MYO9B: variants seen among roughly 807,000 people sequenced by gnomAD.
MYO9B encodes the protein unconventional myosin-IXb.
In MYO9B, 71 loss-of-function variants were observed where a neutral mutation model predicts 229.5. The observed-to-expected ratio is 0.31, with a 90% CI of 0.26 to 0.38. The LOEUF (loss-of-function observed/expected upper bound fraction) is 0.38. Among genes scored for constraint, MYO9B ranks in the 10% least tolerant of loss-of-function variants. The pLI is 1.00. For synonymous variants in MYO9B, 1,185 were observed against 1,235.8 expected, an observed-to-expected ratio of 0.96 and a Z score of 0.86; for missense variants, 2,255 against 2,920.5, an observed-to-expected ratio of 0.77 and a Z score of 5.25.
intron 14 of MYO9B, among the ~76,000 whole-genome samples, chr19:17,179,243 C>G (rs1000710328): frequency 1.3e-5 from 2 of 151,932 alleles, no homozygotes; most frequent in African/African-American, 4.8e-5. Context: ...ATGGTACCGC[C>G]CCGGTTGAGA....
At chr19:17,202,407 C>CCCA (rs1275965893) in intron 28 of MYO9B, 104 bp downstream of exon 28, 2 of 1,122,402 alleles carry the variant, frequency 1.8e-6, no homozygotes, top group African/African-American at 3.1e-5. Flanking sequence ...TTATGCCACA[C>CCCA]CCACCCATGC....
intron 10 of MYO9B, among the ~76,000 whole-genome samples, chr19:17,163,669 A>G (rs1409001737): frequency 6.6e-6 from 1 of 152,056 alleles, no homozygotes. Flanking sequence ...TGCCTGGCCC[A>G]TTCTATTTTC....
chr19:17,209,841 G>A (rs1418626448), intron 36 of MYO9B, 132 bp downstream of exon 36: 3 of 1,147,010 alleles, frequency 2.6e-6, no homozygotes, highest in Non-Finnish European at 3.6e-6. Context: ...CCTTGGGTGG[G>A]CAGGACCTCC....
intron 2 of MYO9B, among the ~76,000 whole-genome samples, chr19:17,106,244 C>T (rs887401574): frequency 6.6e-6 from 1 of 152,188 alleles, no homozygotes; most frequent in Admixed American, 6.5e-5. Context: ...GATCCTCCCA[C>T]CTCAGCTGTT....
intron 1 of MYO9B, among the ~76,000 whole-genome samples, chr19:17,090,061 C>T (rs987030589): frequency 6.8e-6 from 1 of 146,970 alleles, no homozygotes; most frequent in Non-Finnish European, 1.5e-5. Flanking sequence ...ACTTCTCTCA[C>T]TCAGCATCAT....
rs931935325 is a variant in MYO9B at position 17,183,036 on chromosome 19, C to T, written c.2334-793C>T. ...TCCTGGGTTGAAGCAGTTCTCCTGC[C>T]TCAGTCTCTTGAGTAGCTGGGATTA... On this transcript the variant is annotated intron_variant, in intron 15 of 39. Transcript: ENST00000682292. Among the ~76,000 whole-genome samples the T allele has an allele frequency of 1.5e-4, 23 of 152,082 alleles. 1 individual carries two copies. The highest frequency in any genetic ancestry group is 4.6e-4 in the Admixed American group (7 of 15,250).
At chr19:17,113,663 A>C (rs1211217315) in intron 2 of MYO9B, among the ~76,000 whole-genome samples, 17 of 152,144 alleles carry the variant, frequency 1.1e-4, no homozygotes, top group African/African-American at 4.1e-4. Context: ...CCCGGGCACC[A>C]CAGGAAGCGA....
chr19:17,084,717 A>G (rs539712151), intron 1 of MYO9B, among the ~76,000 whole-genome samples: 1 of 149,302 alleles, frequency 6.7e-6, no homozygotes, highest in African/African-American at 2.6e-5. Context: ...TACAAAAAAA[A>G]AAAAAAAGAA....
In MYO9B at chr19:17,212,140, C is replaced by T. The variant is rs866737899; in HGVS notation, c.6304C>T (p.Arg2102Cys). 19 of 1,587,300 alleles carry T rather than the reference C, an allele frequency of 1.2e-5. No homozygotes were observed. Among genetic ancestry groups the T allele is most frequent in the African/African-American group, 4.0e-5 (3 of 74,286 alleles). ...AGTGCGGCGCCGGGAGCCACCTGCC[C>T]GCCGCCCGGACCAGATACATTCCGT... ...APVRRREPPA[R>C]RPDQIHSVYI... Residue 2102 changes from arginine (R) to cysteine (C), a missense_variant, in exon 40 of 40, where the codon CGC becomes TGC. Physicochemically the swap from Arg to Cys is radical, Grantham distance 180 (BLOSUM62 -3). Transcript: ENST00000682292. The surrounding 1 kb of genome is among the most constrained non-coding windows in gnomAD (Gnocchi z 5.4).
At chr19:17,175,583 A>T in intron 13 of MYO9B, 80 bp from the exon 14 acceptor site, 1 of 1,180,564 alleles carries the variant, frequency 8.5e-7, no homozygotes, top group Non-Finnish European at 1.2e-6. Context: ...CATCTCAAAT[A>T]AATAAATAAA....
At chr19:17,207,302 G>C in intron 35 of MYO9B, 58 bp downstream of exon 35, 1 of 1,556,916 alleles carries the variant, frequency 6.4e-7, no homozygotes, top group East Asian at 2.4e-5. Flanking sequence ...AGGACCCCAC[G>C]ACAGCTCCAT....
intron 2 of MYO9B, among the ~76,000 whole-genome samples, chr19:17,107,448 C>T (rs570107503): frequency 2.6e-5 from 4 of 152,316 alleles, no homozygotes; most frequent in Non-Finnish European, 5.9e-5. Context: ...CTCCCCACCA[C>T]GTTGCTGCCT....
At chr19:17,159,326 G>T in intron 7 of MYO9B, 69 bp from the exon 8 acceptor site, 1 of 1,416,026 alleles carries the variant, frequency 7.1e-7, no homozygotes, top group South Asian at 1.2e-5. Context: ...TTGCCTCAGT[G>T]ATACCAGGAC....
rs1341022849 is a variant in MYO9B, at chr19:17,175,705, C to G, written c.2183C>G (p.Pro728Arg). The change falls in exon 14 of 40, where the codon CCA (proline) becomes CGA (arginine). Residue 728 changes from proline (P) to arginine (R), a missense_variant. Pro to Arg is a moderately radical substitution (Grantham distance 103). Transcript: ENST00000682292. Reference sequence around the variant, plus strand: ...GCCCAAAGTCACCCAGAAGAGCTGCCAAGAGGAGCCAGCACCCCTTCGGAA... The same window carrying G: ...GCCCAAAGTCACCCAGAAGAGCTGCGAAGAGGAGCCAGCACCCCTTCGGAA... ...PGAQSHPEELPRGASTPSEKL... is the reference protein window; with the variant it reads ...PGAQSHPEELRRGASTPSEKL... 1.3e-6 allele frequency: 2 copies of G among 1,574,994 alleles called. No individual in the cohort carries two copies. Among genetic ancestry groups the G allele is most frequent in the East Asian group, 2.3e-5 (1 of 42,676 alleles).
intron 14 of MYO9B, among the ~76,000 whole-genome samples, chr19:17,177,005 C>A (rs4808584): frequency 0.59 from 89,676 of 151,878 alleles, 29,428 homozygotes; most frequent in African/African-American, 0.88. Context: ...GTTTGAGACC[C>A]GCCTGGCCAA....
In MYO9B at chr19:17,075,832, G is replaced by A. The variant is rs1403365050; in HGVS notation, c.-101G>A. On this transcript the variant is annotated 5_prime_UTR_variant, in exon 1 of 40. Transcript: ENST00000682292. Reference sequence around the variant, plus strand: ...GGGCTGGCAGGCGGTCGTCCGGCCGGGGACCCGGCCCGGGACCGGCGGCGC... The same window carrying A: ...GGGCTGGCAGGCGGTCGTCCGGCCGAGGACCCGGCCCGGGACCGGCGGCGC... The A allele has an allele frequency of 1.3e-5, 2 of 150,574 alleles. No homozygotes were observed. The highest frequency in any genetic ancestry group is 4.9e-5 in the African/African-American group (2 of 41,172). 9.3% of individuals were successfully genotyped at this position (150,574 alleles called of 1,614,324 possible).
intron 1 of MYO9B, among the ~76,000 whole-genome samples, chr19:17,092,745 C>T (rs1162150362): frequency 6.8e-6 from 1 of 146,322 alleles, no homozygotes; most frequent in South Asian, 2.1e-4. Flanking sequence ...AAAAAAAAAG[C>T]GCTTGCACAT....
chr19:17,091,062 C>T (rs908280351), intron 1 of MYO9B, among the ~76,000 whole-genome samples: 2 of 152,120 alleles, frequency 1.3e-5, no homozygotes, highest in Admixed American at 6.5e-5. Flanking sequence ...ATCAAAACAG[C>T]GTGGCACCTC....
chr19:17,211,964 CTCCACGACGA>C lies in MYO9B; in HGVS notation c.6129_6138del (p.Pro2044GlyfsTer6). The C allele has an allele frequency of 6.3e-7, 1 of 1,577,856 alleles. No homozygotes were observed. The highest frequency in any genetic ancestry group is 8.6e-7 in the Non-Finnish European group (1 of 1,163,194). ...AGCCCCCTCCCCACCGTGGCCGCCCCTCCACGACGAAGGCCGTCGTCCTTCGTAACGGTCA... is the reference window on the plus strand; with the variant it reads ...AGCCCCCTCCCCACCGTGGCCGCCCCAGGCCGTCGTCCTTCGTAACGGTCA... On this transcript the variant is annotated frameshift_variant, in exon 40 of 40. Coordinates refer to ENST00000682292, the MANE Select transcript of MYO9B (RefSeq NM_004145.4). LOFTEE classifies it low-confidence loss of function (END_TRUNC).
Sources: allele counts gnomAD v4.1 joint callset (sites outside exome capture counted in the v4.1 genomes callset), GRCh38; gene constraint gnomAD v4.1.1; non-coding constraint Gnocchi (gnomAD v3.1); transcripts MANE v1.5; gene names NCBI Gene and HGNC (gene_info 2026-07-23, HGNC 2026-07-21).